The following WNT7A variants were observed in gnomAD, a reference collection of about 807,000 sequenced individuals.
WNT7A encodes the protein Wnt family member 7A, also known as protein Wnt-7a.
In WNT7A, 16 loss-of-function variants were observed where a neutral mutation model predicts 28.2. That is an observed-to-expected ratio of 0.57 (90% CI 0.38 to 0.86). WNT7A has a LOEUF of 0.86. Ranked by LOEUF, WNT7A falls within the 40% of genes least tolerant of loss-of-function variation. The pLI, the probability that WNT7A is intolerant of heterozygous loss-of-function variation, is 0.00. For synonymous variants in WNT7A, 190 were observed against 195.9 expected (o/e 0.97, Z 0.25); for missense variants, 411 against 489.7 (o/e 0.84, Z 1.52).
chr3:13,824,122 T>C (rs184905201), intron 3 of WNT7A, among the ~76,000 whole-genome samples: 19 of 152,326 alleles, frequency 1.2e-4, no homozygotes, highest in African/African-American at 3.8e-4. Flanking sequence ...CACACAATTC[T>C]CCCATCAAAA....
At chr3:13,866,917 G>A (rs1694919949) in intron 2 of WNT7A, among the ~76,000 whole-genome samples, 1 of 152,200 alleles carries the variant, frequency 6.6e-6, no homozygotes, top group South Asian at 2.1e-4. Context: ...GAAGATGGCG[G>A]TTTGAATCAG....
chr3:13,852,659 G>A (rs1694658917), intron 3 of WNT7A, among the ~76,000 whole-genome samples: 1 of 152,174 alleles, frequency 6.6e-6, no homozygotes, highest in Non-Finnish European at 1.5e-5. Context: ...TGAGGGACTG[G>A]CCACTTGGGG....
chr3:13,857,368 G>A (rs1326076539), intron 2 of WNT7A, among the ~76,000 whole-genome samples: 1 of 152,144 alleles, frequency 6.6e-6, no homozygotes, highest in Non-Finnish European at 1.5e-5. Flanking sequence ...AAGAGATAGA[G>A]CCTCATGGAT....
rs762304731 is a variant in WNT7A, at chr3:13,854,718, C to T, written c.384G>A (p.Leu128=). The change falls in exon 3 of 4, where the codon CTG becomes CTA. Residue 128 remains leucine, a synonymous_variant. Coordinates refer to ENST00000285018, the MANE Select transcript of WNT7A (RefSeq NM_004625.4). ...TCTCTTTGTCGCAGCCACAGTCGCT[C>T]AGGTTGCCCTGGGTACAGGCAGCTG... ...AITAACTQGN[L]SDCGCDKEKQ... is the part of the protein sequence containing the mutation. 6.2e-7 allele frequency: 1 copy of T among 1,614,134 alleles called. No individual in the cohort carries two copies. Among genetic ancestry groups the T allele is most frequent in the Non-Finnish European group, 8.5e-7 (1 of 1,180,044 alleles).
At chr3:13,847,889 T>C (rs1204721752) in intron 3 of WNT7A, among the ~76,000 whole-genome samples, 1 of 152,086 alleles carries the variant, frequency 6.6e-6, no homozygotes, top group Admixed American at 6.5e-5. Flanking sequence ...AGATGGAAAG[T>C]GGGGATGGCA....
chr3:13,854,864 C>T lies in WNT7A; in HGVS notation c.299-61G>A, dbSNP rs1694705199. 9.1e-5 allele frequency: 146 copies of T among 1,600,080 alleles called. 6 individuals are homozygous for T. In the South Asian group the frequency reaches 1.5e-3, roughly 16 times the overall value. ...CAGGTCCCAAGCATCTGAGAGGAGG[C>T]TGGGCCTGACTGAAGAGTGAGGCTG... is the stretch of plus-strand genomic sequence containing the variant. On this transcript the variant is annotated intron_variant, in intron 2 of 3. Coordinates refer to ENST00000285018, the MANE Select transcript of WNT7A (RefSeq NM_004625.4).
chr3:13,856,844 AGAAGAGGAAGAAGAGGAAGAG>A lies in WNT7A; in HGVS notation c.299-2062_299-2042del, dbSNP rs1405367167. 3.8e-3 allele frequency among the ~76,000 whole-genome samples: 548 copies of A among 145,024 alleles called. 2 individuals are homozygous for A. Among genetic ancestry groups the A allele is most frequent in the Middle Eastern group, 0.014 (4 of 282 alleles). ...AAGAAGAAGATGAAGGAGAAGAAGA[AGAAGAGGAAGAAGAGGAAGAG>A]GAAGAGGAAGAAGAGGAAGAAGAAG... is the stretch of plus-strand genomic sequence containing the variant. On this transcript the variant is annotated intron_variant, in intron 2 of 3. Transcript: ENST00000285018.
chr3:13,829,493 A>T (rs910185200), intron 3 of WNT7A, among the ~76,000 whole-genome samples: 3 of 152,138 alleles, frequency 2.0e-5, no homozygotes, highest in African/African-American at 7.2e-5. Flanking sequence ...TCTCATTTTG[A>T]GCAGTGGATG....
intron 2 of WNT7A, among the ~76,000 whole-genome samples, chr3:13,869,029 A>C (rs974010831): frequency 2.1e-5 from 3 of 142,398 alleles, no homozygotes; most frequent in Non-Finnish European, 4.5e-5. Context: ...AAAGAGAGAA[A>C]GTGAGAGAGA....
At chr3:13,826,125 C>G (rs1276138204) in intron 3 of WNT7A, among the ~76,000 whole-genome samples, 1 of 152,192 alleles carries the variant, frequency 6.6e-6, no homozygotes, top group East Asian at 1.9e-4. Flanking sequence ...TTGGCGTCAC[C>G]CCTGCTGGGG....
In WNT7A at chr3:13,878,491, T is replaced by C. The variant is rs566982557; in HGVS notation, c.71+1255A>G. ...AAACACACCGGCAGGCTGGCGGTAC[T>C]GGCGCGAGCCCCGCAGCCGCCTCTC... is the stretch of plus-strand genomic sequence containing the variant. On this transcript the variant is annotated intron_variant, in intron 1 of 3. Transcript: ENST00000285018. Among the ~76,000 whole-genome samples the C allele has an allele frequency of 2.0e-5, 3 of 152,218 alleles. No homozygotes were observed. The East Asian group carries it at 5.8e-4, about 30-fold the overall frequency.
intron 2 of WNT7A, among the ~76,000 whole-genome samples, chr3:13,873,956 G>A (rs539729165): frequency 2.6e-5 from 4 of 152,182 alleles, no homozygotes; most frequent in Non-Finnish European, 5.9e-5. Flanking sequence ...CCTCCAGAGG[G>A]GTTTAAGCAG....
chr3:13,856,853 A>G (rs945766672), intron 2 of WNT7A, among the ~76,000 whole-genome samples: 5 of 148,936 alleles, frequency 3.4e-5, no homozygotes, highest in African/African-American at 1.2e-4. Context: ...AAGAAGAGGA[A>G]GAAGAGGAAG....
At chr3:13,832,969 A>G (rs1694305435) in intron 3 of WNT7A, among the ~76,000 whole-genome samples, 1 of 152,108 alleles carries the variant, frequency 6.6e-6, no homozygotes, top group African/African-American at 2.4e-5. Context: ...CTGGCTTTCA[A>G]GACCCTCCAT....
intron 2 of WNT7A, among the ~76,000 whole-genome samples, chr3:13,873,324 T>A (rs1202114415): frequency 6.6e-6 from 1 of 151,832 alleles, no homozygotes; most frequent in South Asian, 2.1e-4. Context: ...GGCCCAAATG[T>A]CACCTGGTGA....
intron 3 of WNT7A, among the ~76,000 whole-genome samples, chr3:13,832,306 C>T (rs895786838): frequency 6.6e-6 from 1 of 151,148 alleles, no homozygotes; most frequent in Non-Finnish European, 1.5e-5. Context: ...TCCTCCTCTA[C>T]AGGCTTCTCC....
chr3:13,830,150 C>T (rs370873427), intron 3 of WNT7A, among the ~76,000 whole-genome samples: 5 of 152,088 alleles, frequency 3.3e-5, no homozygotes, highest in African/African-American at 1.2e-4. Flanking sequence ...CCCAGCCACC[C>T]TCCCCCAAGC....
intron 3 of WNT7A, among the ~76,000 whole-genome samples, chr3:13,823,931 T>A (rs1245842247): frequency 6.6e-6 from 1 of 152,162 alleles, no homozygotes; most frequent in Admixed American, 6.5e-5. Flanking sequence ...AAGTCCTCTC[T>A]ATACAGCCCC....
At chr3:13,833,476 G>T (rs1313401589) in intron 3 of WNT7A, among the ~76,000 whole-genome samples, 1 of 152,242 alleles carries the variant, frequency 6.6e-6, no homozygotes, top group East Asian at 1.9e-4. Flanking sequence ...TCTCAGCTTT[G>T]CTCCCCTGTA....
Sources: gnomAD v4.1 joint callset for allele counts (sites outside exome capture counted in the v4.1 genomes callset) on GRCh38, gnomAD v4.1.1 for gene constraint, MANE v1.5 for transcripts, NCBI Gene and HGNC (gene_info 2026-07-23, HGNC 2026-07-21) for gene names.